GNAI2: variants seen among roughly 807,000 people sequenced by gnomAD.
GNAI2 encodes the protein guanine nucleotide-binding protein G(i) subunit alpha-2.
A neutral mutation model predicts 36.8 loss-of-function variants in GNAI2; 4 were observed. That is an observed-to-expected ratio of 0.11 (90% CI 0.05 to 0.25). GNAI2 has a LOEUF of 0.25. Ranked by LOEUF, GNAI2 falls within the 10% of genes least tolerant of loss-of-function variation. The probability of loss-of-function intolerance (pLI) is 1.00; values close to 1 mark genes in which losing one functional copy is unlikely to be tolerated. For missense variants in GNAI2, 230 were observed against 481.3 expected, an observed-to-expected ratio of 0.48 and a Z score of 4.89; for synonymous variants, 194 against 194.1, an observed-to-expected ratio of 1.00 and a Z score of 0.01.
At chr3:50,251,208 C>T (rs1700549872) in intron 1 of GNAI2, 3 of 241,066 alleles carry the variant, frequency 1.2e-5, no homozygotes, top group South Asian at 3.1e-4. Context: ...TGGGTTCCCT[C>T]CACCCTCTTG....
rs118188122 is a variant in GNAI2, at chr3:50,255,028, G to A, written c.465-1164G>A. The stretch of plus-strand genomic sequence containing the variant: ...TGGTACCTCCACATTGAGGACTCTG[G>A]CAGTAGGGGGCGGGGCATGGTATGC... On this transcript the variant is annotated intron_variant, in intron 4 of 8. Transcript: ENST00000313601. The surrounding 1 kb of genome is among the most constrained non-coding windows in gnomAD (Gnocchi z 4.0). Among the ~76,000 whole-genome samples, 207 of 152,330 alleles carry A rather than the reference G, an allele frequency of 1.4e-3. 5 individuals carry two copies. In the East Asian group the frequency reaches 0.037, roughly 27 times the overall value.
intron 8 of GNAI2, 54 bp downstream of exon 8, chr3:50,257,768 G>C (rs1700742279): frequency 1.7e-6 from 1 of 582,130 alleles, no homozygotes; most frequent in East Asian, 7.0e-5. Flanking sequence ...CGGGCCTGGA[G>C]CCCCAGCAGG....
chr3:50,257,471 A>G, intron 7 of GNAI2, 29 bp from the exon 8 acceptor site: 2 of 1,488,612 alleles, frequency 1.3e-6, no homozygotes, highest in South Asian at 2.6e-5. Context: ...CCACACATGC[A>G]GCACAAGTCT....
In GNAI2 at chr3:50,252,957, T is replaced by C; in HGVS notation, c.304-67T>C. On this transcript the variant is annotated intron_variant, in intron 3 of 8. Coordinates refer to ENST00000313601, the MANE Select transcript of GNAI2 (RefSeq NM_002070.4). The surrounding 1 kb of genome is among the most constrained non-coding windows in gnomAD (Gnocchi z 4.1). Reference sequence around the variant, plus strand: ...CCTAGCCTGGGCCCCATTCCAGAGGTCTCCCTGCCTCTGGCAGAGTGGGGG... The same window carrying C: ...CCTAGCCTGGGCCCCATTCCAGAGGCCTCCCTGCCTCTGGCAGAGTGGGGG... The C allele has an allele frequency of 3.8e-6, 5 of 1,313,996 alleles. No individual in the cohort carries two copies. The highest frequency in any genetic ancestry group is 5.3e-6 in the Non-Finnish European group (5 of 944,738). 81.4% of individuals were successfully genotyped at this position (1,313,996 alleles called of 1,614,324 possible).
Position 50,242,721 on chromosome 3 carries a change from G to A in GNAI2, c.118+6268G>A, listed in dbSNP as rs1377089208. Reference sequence around the variant, plus strand: ...TTTGCTGGGCTGGTTCTTCTGTGCCGGCCTCTGTGCACATTTACAAGGCTT... The same window carrying A: ...TTTGCTGGGCTGGTTCTTCTGTGCCAGCCTCTGTGCACATTTACAAGGCTT... On this transcript the variant is annotated intron_variant, in intron 1 of 8. Coordinates refer to ENST00000313601, the MANE Select transcript of GNAI2 (RefSeq NM_002070.4). This position sits in a 1 kb window ranked among gnomAD's most constrained non-coding sequence, Gnocchi z 4.8. Among the ~76,000 whole-genome samples the A allele has an allele frequency of 2.0e-5, 3 of 152,144 alleles. No individual in the cohort carries two copies. The highest frequency in any genetic ancestry group is 6.5e-5 in the Admixed American group (1 of 15,270).
At chr3:50,229,688 A>G (rs186058240), upstream of GNAI2, 16 of 152,064 alleles carry the variant, frequency 1.1e-4, no homozygotes, top group Admixed American at 3.9e-4. Context: ...CTCTGTCGTC[A>G]CTCTCTTCTG....
At chr3:50,236,081 C>T (rs897610009), upstream of GNAI2, 3 of 658,286 alleles carry the variant, frequency 4.6e-6, no homozygotes, top group Non-Finnish European at 6.0e-6. This position sits in a 1 kb window ranked among gnomAD's most constrained non-coding sequence, Gnocchi z 4.0. Context: ...AATCAACAGC[C>T]TCTAATCTCC....
intron 1 of GNAI2, among the ~76,000 whole-genome samples, chr3:50,247,576 A>G (rs1279363954): frequency 6.6e-6 from 1 of 152,212 alleles, no homozygotes; most frequent in East Asian, 1.9e-4. Context: ...GGTCTTGTTC[A>G]CGCAGGTGGA....
rs1228448321 is a variant in GNAI2 at position 50,252,027 on chromosome 3, G to A, written c.119-73G>A. On this transcript the variant is annotated intron_variant, in intron 1 of 8. Coordinates refer to ENST00000313601, the MANE Select transcript of GNAI2 (RefSeq NM_002070.4). This position sits in a 1 kb window ranked among gnomAD's most constrained non-coding sequence, Gnocchi z 4.1. ...TAGTTCTGCCTCCTGGGCTACAGGTGTCTGGGCATTTGTTCTGTGCCTGTG... is the reference window on the plus strand; with the variant it reads ...TAGTTCTGCCTCCTGGGCTACAGGTATCTGGGCATTTGTTCTGTGCCTGTG... The A allele has an allele frequency of 6.9e-7, 1 of 1,439,132 alleles. No individual in the cohort carries two copies. Among genetic ancestry groups the A allele is most frequent in the East Asian group, 2.3e-5 (1 of 43,878 alleles). 89.1% of individuals were successfully genotyped at this position (1,439,132 alleles called of 1,614,324 possible).
In GNAI2 at chr3:50,258,851, A is replaced by C. The variant is rs1404000855; in HGVS notation, c.*508A>C. On this transcript the variant is annotated 3_prime_UTR_variant, in exon 9 of 9. Coordinates refer to ENST00000313601, the MANE Select transcript of GNAI2 (RefSeq NM_002070.4). ...AGACGCCACCATTCCTGGAAACCAC[A>C]GTCCACCTGCTCATTCTCGTAGCTT... is the stretch of plus-strand genomic sequence containing the variant. The C allele has an allele frequency of 2.3e-6, 1 of 433,068 alleles. No individual in the cohort carries two copies. The highest frequency in any genetic ancestry group is 4.5e-6 in the Non-Finnish European group (1 of 221,328). The allele number at this position is 433,068 out of a possible 1,614,324, so 26.8% of individuals were successfully genotyped here. A position where few individuals can be genotyped will look rare whatever the true frequency, so the allele number is the denominator to read the frequency against.
intron 1 of GNAI2, among the ~76,000 whole-genome samples, chr3:50,250,696 GA>G (rs1559772467): frequency 1.3e-5 from 2 of 152,176 alleles, no homozygotes; most frequent in African/African-American, 4.8e-5. Context: ...CCCAGCCAGG[GA>G]GTTGGGTGGC....
upstream of GNAI2, among the ~76,000 whole-genome samples, chr3:50,232,872 C>A (rs1190776705): frequency 6.7e-6 from 1 of 148,552 alleles, no homozygotes; most frequent in East Asian, 2.0e-4. Context: ...GGGAGGGGGT[C>A]ATTGCTGTGG....
At position 50,255,304 on chromosome 3, in the gene GNAI2, C is replaced by T. The variant is rs932434348; in HGVS notation, c.465-888C>T. 6.6e-6 allele frequency among the ~76,000 whole-genome samples: 1 copy of T among 152,080 alleles called. No individual in the cohort carries two copies. Among genetic ancestry groups the T allele is most frequent in the Admixed American group, 6.5e-5 (1 of 15,280 alleles). ...GCAGAGGCAGGCCCTGCAGGGGTAG[C>T]CTTGATACTAATTAAGGGAACTGGT... On this transcript the variant is annotated intron_variant, in intron 4 of 8. Transcript: ENST00000313601. The surrounding 1 kb of genome is among the most constrained non-coding windows in gnomAD (Gnocchi z 4.0).
At chr3:50,228,550 CAAAAAAA>C (rs587623155), upstream of GNAI2, among the ~76,000 whole-genome samples, 7 of 94,810 alleles carry the variant, frequency 7.4e-5, no homozygotes, top group Non-Finnish European at 1.0e-4. Context: ...ACTCCGTCTC[CAAAAAAA>C]AAAAAAAAAA....
rs782780275 is a variant in GNAI2, at chr3:50,259,061, G to A, written c.*718G>A. The A allele has an allele frequency of 3.2e-5, 13 of 400,658 alleles. No individual in the cohort carries two copies. The highest frequency in any genetic ancestry group is 6.4e-5 in the African/African-American group (3 of 46,794). 24.8% of individuals were successfully genotyped at this position (400,658 alleles called of 1,614,324 possible). The stretch of plus-strand genomic sequence containing the variant: ...GTCCCTCTGCTGGCCGCCCCCGTGC[G>A]AGCGGCACCCCTGCCCTGCCCTCCA... On this transcript the variant is annotated 3_prime_UTR_variant, in exon 9 of 9. Coordinates refer to ENST00000313601, the MANE Select transcript of GNAI2 (RefSeq NM_002070.4).
chr3:50,251,896 C>T, intron 1 of GNAI2: 1 of 986,288 alleles, frequency 1.0e-6, no homozygotes, highest in Middle Eastern at 2.7e-4. Context: ...GGCACAGGTG[C>T]TCTAGGTTAC....
chr3:50,227,255 G>C, upstream of GNAI2: 1 of 957,498 alleles, frequency 1.0e-6, no homozygotes, highest in African/African-American at 1.7e-5. This position sits in a 1 kb window ranked among gnomAD's most constrained non-coding sequence, Gnocchi z 5.9. Context: ...CGCGGGGCAA[G>C]GGGGATGGGG....
At chr3:50,228,274 G>A (rs1700012444), upstream of GNAI2, among the ~76,000 whole-genome samples, 1 of 152,176 alleles carries the variant, frequency 6.6e-6, no homozygotes, top group Non-Finnish European at 1.5e-5. Flanking sequence ...GCCGGGCACG[G>A]TGCACGGTAG....
chr3:50,236,219 C>G lies in GNAI2; in HGVS notation c.-117C>G. The G allele has an allele frequency of 1.7e-6, 2 of 1,187,876 alleles. No homozygotes were observed. The highest frequency in any genetic ancestry group is 2.1e-6 in the Non-Finnish European group (2 of 960,520). 73.6% of individuals were successfully genotyped at this position (1,187,876 alleles called of 1,614,324 possible). On this transcript the variant is annotated 5_prime_UTR_variant, in exon 1 of 9. Transcript: ENST00000313601. This position sits in a 1 kb window ranked among gnomAD's most constrained non-coding sequence, Gnocchi z 4.0. ...CGCCTCCCGCAGTCGCTCGGAACTG[C>G]CGACCCGAGTGCTTCCCGCAGAGGG... is the stretch of plus-strand genomic sequence containing the variant.
Sources: allele counts gnomAD v4.1 joint callset (sites outside exome capture counted in the v4.1 genomes callset), GRCh38; gene constraint gnomAD v4.1.1; non-coding constraint Gnocchi (gnomAD v3.1); transcripts MANE v1.5; gene names NCBI Gene and HGNC (gene_info 2026-07-23, HGNC 2026-07-21).